The following LRRTM4 variants were observed in gnomAD, a reference collection of about 807,000 sequenced individuals.
LRRTM4 encodes leucine rich repeat transmembrane neuronal 4.
LRRTM4 carries 25 observed loss-of-function variants against 47.6 expected under a neutral mutation model. The observed-to-expected ratio is 0.53, with a 90% CI of 0.38 to 0.73. The LOEUF is 0.73. Among genes scored for constraint, LRRTM4 ranks in the 30% least tolerant of loss-of-function variants. The pLI, the probability that LRRTM4 is intolerant of heterozygous loss-of-function variation, is 0.00. For synonymous variants in LRRTM4, 311 were observed against 269.5 expected, an observed-to-expected ratio of 1.15 and a Z score of -1.51; for missense variants, 638 against 713.4, an observed-to-expected ratio of 0.89 and a Z score of 1.20.
chr2:77,263,551 G>A (rs1230324514), intron 3 of LRRTM4, among the ~76,000 whole-genome samples: 2 of 152,040 alleles, frequency 1.3e-5, no homozygotes, highest in Admixed American at 6.6e-5. Flanking sequence ...TGAATGGTAG[G>A]ACACCCAGCC....
At chr2:77,272,232 A>G (rs1676220362) in intron 3 of LRRTM4, among the ~76,000 whole-genome samples, 1 of 152,112 alleles carries the variant, frequency 6.6e-6, no homozygotes, top group South Asian at 2.1e-4. Flanking sequence ...GCCATTTGTG[A>G]CTTTTATTGA....
At chr2:77,096,750 GA>G (rs1670823444) in intron 3 of LRRTM4, among the ~76,000 whole-genome samples, 1 of 151,402 alleles carries the variant, frequency 6.6e-6, no homozygotes, top group African/African-American at 2.4e-5. Flanking sequence ...CTATTATTGG[GA>G]AAAATGAATA....
intron 3 of LRRTM4, among the ~76,000 whole-genome samples, chr2:76,920,874 G>C (rs1215267760): frequency 6.6e-6 from 1 of 151,870 alleles, no homozygotes; most frequent in Non-Finnish European, 1.5e-5. Flanking sequence ...GTCTGTCTCT[G>C]TTTTCTTCAA....
At chr2:77,342,677 G>A (rs1469044137) in intron 3 of LRRTM4, among the ~76,000 whole-genome samples, 1 of 151,910 alleles carries the variant, frequency 6.6e-6, no homozygotes, top group Non-Finnish European at 1.5e-5. Context: ...CCAGAGAACA[G>A]TCATTTAATA....
At chr2:76,996,396 C>T (rs867685593) in intron 3 of LRRTM4, among the ~76,000 whole-genome samples, 4 of 152,000 alleles carry the variant, frequency 2.6e-5, no homozygotes, top group African/African-American at 9.6e-5. Flanking sequence ...GCTTAGAGTC[C>T]TATAAAGTGT....
chr2:76,813,593 A>AAAAT (rs2103830936), intron 3 of LRRTM4, among the ~76,000 whole-genome samples: 1 of 152,304 alleles, frequency 6.6e-6, no homozygotes, highest in East Asian at 1.9e-4. Context: ...ACAGTAAAAA[A>AAAAT]AAATAATCTC....
intron 3 of LRRTM4, among the ~76,000 whole-genome samples, chr2:77,149,728 G>GC (rs1391080811): frequency 3.3e-5 from 5 of 152,144 alleles, no homozygotes; most frequent in African/African-American, 1.2e-4. Flanking sequence ...ATGTGCCTTG[G>GC]CAGAGACATA....
intron 3 of LRRTM4, among the ~76,000 whole-genome samples, chr2:77,016,851 G>T (rs977847325): frequency 3.3e-5 from 5 of 151,670 alleles, no homozygotes; most frequent in African/African-American, 1.2e-4. Context: ...AAGGCCAATT[G>T]GATATTTGAA....
chr2:77,237,350 A>G (rs778013810), intron 3 of LRRTM4, among the ~76,000 whole-genome samples: 28 of 152,120 alleles, frequency 1.8e-4, no homozygotes, highest in Non-Finnish European at 2.6e-4. Flanking sequence ...AGTATTGATA[A>G]TAGTTTCTGT....
chr2:76,827,131 G>A (rs921035067), intron 3 of LRRTM4, among the ~76,000 whole-genome samples: 21 of 151,910 alleles, frequency 1.4e-4, no homozygotes, highest in African/African-American at 5.1e-4. Context: ...TTCTCATAGT[G>A]TTAGACTGCA....
intron 3 of LRRTM4, among the ~76,000 whole-genome samples, chr2:77,031,254 ATTAAT>A (rs1231475845): frequency 6.6e-6 from 1 of 152,062 alleles, no homozygotes; most frequent in Non-Finnish European, 1.5e-5. Context: ...TGTACTATGC[ATTAAT>A]TTTTCTTTTT....
At chr2:76,949,512 T>G (rs942353832) in intron 3 of LRRTM4, among the ~76,000 whole-genome samples, 1 of 151,862 alleles carries the variant, frequency 6.6e-6, no homozygotes, top group Non-Finnish European at 1.5e-5. Context: ...ATAGAAGAGA[T>G]AACATTTTCA....
chr2:77,423,472 G>C (rs1016301795), intron 3 of LRRTM4, among the ~76,000 whole-genome samples: 7 of 152,106 alleles, frequency 4.6e-5, no homozygotes, highest in Non-Finnish European at 8.8e-5. Flanking sequence ...TAAACAGGGA[G>C]TGTTCTGTTT....
At chr2:76,899,080 C>G (rs1673525618) in intron 3 of LRRTM4, among the ~76,000 whole-genome samples, 1 of 151,866 alleles carries the variant, frequency 6.6e-6, no homozygotes, top group Admixed American at 6.6e-5. Context: ...AAATATGAGA[C>G]TCTTATGTAA....
At chr2:77,403,211 C>T (rs1384040371) in intron 3 of LRRTM4, among the ~76,000 whole-genome samples, 2 of 151,974 alleles carry the variant, frequency 1.3e-5, no homozygotes, top group African/African-American at 4.8e-5. Context: ...AATTTGCCTT[C>T]CTATACTGAC....
intron 3 of LRRTM4, among the ~76,000 whole-genome samples, chr2:77,380,494 G>T (rs929537966): frequency 6.6e-6 from 1 of 152,038 alleles, no homozygotes. Context: ...ACTTGCAGTA[G>T]CATGTTTAAA....
intron 3 of LRRTM4, among the ~76,000 whole-genome samples, chr2:76,848,940 GA>G (rs760768297): frequency 3.1e-4 from 47 of 152,176 alleles, no homozygotes; most frequent in Non-Finnish European, 5.4e-4. Context: ...ACACTTTGAG[GA>G]ATCCTGATTA....
chr2:77,309,350 G>A (rs187441108), intron 3 of LRRTM4, among the ~76,000 whole-genome samples: 49 of 152,252 alleles, frequency 3.2e-4, no homozygotes, highest in African/African-American at 1.2e-3. Flanking sequence ...GACCTTCTAA[G>A]CTATGTAAAA....
At chr2:77,469,095 T>C (rs1370261771) in intron 3 of LRRTM4, among the ~76,000 whole-genome samples, 1 of 152,162 alleles carries the variant, frequency 6.6e-6, no homozygotes, top group African/African-American at 2.4e-5. Context: ...GCTAGTTTCT[T>C]TAAAGGAAGG....
Sources: allele counts gnomAD v4.1 joint callset (sites outside exome capture counted in the v4.1 genomes callset), GRCh38; gene constraint gnomAD v4.1.1; transcripts MANE v1.5; gene names NCBI Gene and HGNC (gene_info 2026-07-23, HGNC 2026-07-21).